SSUH2: variants seen among roughly 807,000 people sequenced by gnomAD.
SSUH2 encodes ssu-2 homolog, also known as protein SSUH2 homolog.
In SSUH2, 47 loss-of-function variants were observed where a neutral mutation model predicts 55.3. That is an observed-to-expected ratio of 0.85 (90% confidence interval 0.67 to 1.08). SSUH2 has a LOEUF of 1.08. SSUH2 is among the 50% of genes least tolerant of loss of function. The pLI is 0.00. For synonymous variants in SSUH2, 212 were observed against 191.5 expected, an observed-to-expected ratio of 1.11 and a Z score of -0.89; for missense variants, 535 against 490.7, an observed-to-expected ratio of 1.09 and a Z score of -0.85.
At chr3:8,631,915 G>T in intron 5 of SSUH2, 134 bp downstream of exon 5, 4 of 664,196 alleles carry the variant, frequency 6.0e-6, no homozygotes, top group East Asian at 2.7e-5. Flanking sequence ...CATTTTGCAG[G>T]GGGTAAGGAA....
Position 8,678,027 on chromosome 3 carries a change from T to C in SSUH2, c.-900-674A>G, listed in dbSNP as rs188479940. 5.4e-3 allele frequency among the ~76,000 whole-genome samples: 825 copies of C among 152,000 alleles called. 13 individuals carry two copies. The highest frequency in any genetic ancestry group is 0.017 in the African/African-American group (711 of 41,460). The stretch of plus-strand genomic sequence containing the variant: ...AGGGGTTTTTCTACTCCCTGCGATA[T>C]CGCGTGTCATATCCTCCTCTCCCAC... On this transcript the variant is annotated intron_variant, in intron 2 of 18. Coordinates refer to the SSUH2 transcript ENST00000317371.
intron 6 of SSUH2, among the ~76,000 whole-genome samples, chr3:8,663,160 A>G (rs953334840): frequency 6.6e-6 from 1 of 152,222 alleles, no homozygotes; most frequent in African/African-American, 2.4e-5. Flanking sequence ...AGGGACAGCT[A>G]TTATCATTAT....
chr3:8,663,153 G>A (rs1288589953), intron 6 of SSUH2, among the ~76,000 whole-genome samples: 1 of 152,194 alleles, frequency 6.6e-6, no homozygotes. Flanking sequence ...TAAATCCAGG[G>A]ACAGCTATTA....
intron 7 of SSUH2, among the ~76,000 whole-genome samples, chr3:8,650,465 G>A (rs1702266580): frequency 6.6e-6 from 1 of 152,234 alleles, no homozygotes; most frequent in East Asian, 1.9e-4. Flanking sequence ...TCTTATGCAG[G>A]GACTTTATCT....
At chr3:8,640,272 A>G (rs1448951210) in intron 1 of SSUH2, among the ~76,000 whole-genome samples, 1 of 152,218 alleles carries the variant, frequency 6.6e-6, no homozygotes, top group Non-Finnish European at 1.5e-5. Flanking sequence ...CTTGAGAATG[A>G]CAGGTGATCC....
intron 7 of SSUH2, among the ~76,000 whole-genome samples, chr3:8,652,260 C>T (rs1219503774): frequency 1.3e-5 from 2 of 152,232 alleles, no homozygotes; most frequent in Non-Finnish European, 2.9e-5. Flanking sequence ...CCTCCCTCTG[C>T]ACCTGTACCA....
At chr3:8,669,889 C>A (rs11916383) in intron 5 of SSUH2, among the ~76,000 whole-genome samples, 1 of 151,952 alleles carries the variant, frequency 6.6e-6, no homozygotes, top group African/African-American at 2.4e-5. Context: ...ACATGGGACT[C>A]AATGTAATGT....
chr3:8,620,691 C>T (rs78371691), intron 11 of SSUH2, among the ~76,000 whole-genome samples: 2,715 of 152,294 alleles, frequency 0.018, 120 homozygotes, highest in East Asian at 0.17. Flanking sequence ...AAGTCACCAA[C>T]CAAGTAGGAC....
intron 1 of SSUH2, among the ~76,000 whole-genome samples, chr3:8,640,519 G>A (rs1700650570): frequency 6.6e-6 from 1 of 152,122 alleles, no homozygotes; most frequent in South Asian, 2.1e-4. Flanking sequence ...ATTCTCATCT[G>A]CCCACATGCC....
chr3:8,678,078 A>G (rs894184461), intron 2 of SSUH2, among the ~76,000 whole-genome samples: 22 of 152,052 alleles, frequency 1.4e-4, no homozygotes, highest in South Asian at 8.3e-4. Flanking sequence ...AATATCAGTG[A>G]GGGCGTGTCC....
chr3:8,653,616 C>T lies in SSUH2; in HGVS notation c.-307+5309G>A, dbSNP rs529979017. Among the ~76,000 whole-genome samples, 2 of 152,330 alleles carry T rather than the reference C, an allele frequency of 1.3e-5. 1 individual carries two copies. Among genetic ancestry groups the T allele is most frequent in the African/African-American group, 4.8e-5 (2 of 41,588 alleles). On this transcript the variant is annotated intron_variant, in intron 7 of 18. Coordinates refer to the SSUH2 transcript ENST00000317371. The stretch of plus-strand genomic sequence containing the variant: ...GCACACAATCCGGTTTAAATTCAGG[C>T]ACTGGGCTGAATACGAATAACATAG...
At position 8,625,556 on chromosome 3, in the gene SSUH2, C is replaced by T; in HGVS notation, c.859G>A (p.Asp287Asn). The T allele has an allele frequency of 1.2e-6, 2 of 1,612,874 alleles. No homozygotes were observed. The highest frequency in any genetic ancestry group is 1.7e-6 in the Non-Finnish European group (2 of 1,178,950). Reference protein sequence around the residue: ...AKAKGENLFKDENSVVYPIVD... With the variant: ...AKAKGENLFKNENSVVYPIVD... Reference sequence around the variant, plus strand: ...TGCCCTCTTACCACCGAGTTTTCATCCTTAAAGAGGTTTTCTCCTTTGGCT... The same window carrying T: ...TGCCCTCTTACCACCGAGTTTTCATTCTTAAAGAGGTTTTCTCCTTTGGCT... Residue 287 changes from aspartate to asparagine, a missense_variant, in exon 10 of 12, where the codon GAT becomes AAT. Transcript: ENST00000544814.
At chr3:8,637,270 T>C (rs1700074623) in intron 1 of SSUH2, among the ~76,000 whole-genome samples, 1 of 152,200 alleles carries the variant, frequency 6.6e-6, no homozygotes, top group African/African-American at 2.4e-5. Context: ...GTATCTGTAC[T>C]TTTCATGAGG....
intron 1 of SSUH2, among the ~76,000 whole-genome samples, chr3:8,681,478 G>T (rs548721515): frequency 3.8e-4 from 55 of 146,000 alleles, no homozygotes; most frequent in Non-Finnish European, 4.0e-4. Context: ...CCCGTCGTAG[G>T]GGGGAGGCAG....
At chr3:8,653,870 C>T (rs568355446) in intron 7 of SSUH2, among the ~76,000 whole-genome samples, 19 of 152,284 alleles carry the variant, frequency 1.2e-4, no homozygotes, top group African/African-American at 3.6e-4. Flanking sequence ...GGCCACTTTC[C>T]GGTACTCACT....
chr3:8,644,797 G>C lies in SSUH2; in HGVS notation c.-39C>G, dbSNP rs1701453568. On this transcript the variant is annotated 5_prime_UTR_variant, in exon 1 of 12. Coordinates refer to ENST00000544814, the MANE Select transcript of SSUH2 (RefSeq NM_001256748.3). ...TGCCAAAGAGATGTCTGCCCTTCGA[G>C]TGTGCTTGGACCGATGTGCTCTGAT... The C allele has an allele frequency of 2.6e-6, 4 of 1,533,998 alleles. No individual in the cohort carries two copies. The highest frequency in any genetic ancestry group is 3.5e-6 in the Non-Finnish European group (4 of 1,145,178).
At chr3:8,628,182 G>A (rs1697990934) in intron 7 of SSUH2, among the ~76,000 whole-genome samples, 1 of 152,126 alleles carries the variant, frequency 6.6e-6, no homozygotes, top group South Asian at 2.1e-4. Flanking sequence ...TTGGGCTCAT[G>A]GTGGGCTCCA....
intron 7 of SSUH2, among the ~76,000 whole-genome samples, chr3:8,658,179 G>A (rs983796895): frequency 2.6e-5 from 4 of 152,254 alleles, no homozygotes; most frequent in African/African-American, 9.6e-5. Context: ...TACAGGCTAA[G>A]AGATGACGAC....
intron 3 of SSUH2, among the ~76,000 whole-genome samples, chr3:8,676,019 G>A (rs111623354): frequency 3.7e-4 from 56 of 152,100 alleles, no homozygotes; most frequent in Non-Finnish European, 5.6e-4. Flanking sequence ...CTGCTAGTAC[G>A]AGAAGCAAAT....
Sources: gnomAD v4.1 joint callset for allele counts (sites outside exome capture counted in the v4.1 genomes callset) on GRCh38, gnomAD v4.1.1 for gene constraint, MANE v1.5 for transcripts, NCBI Gene and HGNC (gene_info 2026-07-23, HGNC 2026-07-21) for gene names.